Variants in SPATA16 observed in about 807,000 individuals in gnomAD.
SPATA16 encodes spermatogenesis associated 16, also known as spermatogenesis-associated protein 16.
Under a neutral mutation model 63.3 loss-of-function variants are expected in SPATA16, and 36 were observed. That is an observed-to-expected ratio of 0.57 (90% CI 0.44 to 0.75). The LOEUF is 0.75. Ranked by LOEUF, SPATA16 falls within the 30% of genes least tolerant of loss-of-function variation. SPATA16 has a pLI of 0.00. For missense variants in SPATA16, 646 were observed against 679.3 expected, an observed-to-expected ratio of 0.95 and a Z score of 0.54; for synonymous variants, 203 against 216.7, an observed-to-expected ratio of 0.94 and a Z score of 0.56.
intron 5 of SPATA16, among the ~76,000 whole-genome samples, chr3:172,965,290 C>T (rs1191749922): frequency 1.3e-5 from 2 of 152,186 alleles, no homozygotes; most frequent in Non-Finnish European, 2.9e-5. Context: ...TTATGCTATG[C>T]TGACTTGTAA....
chr3:172,916,406 T>A lies in SPATA16; in HGVS notation c.1414A>T (p.Lys472Ter). Residue 472 changes from lysine (K) to a stop codon, truncating the protein, a stop_gained, in exon 9 of 11, where the codon AAG becomes TAG. Coordinates refer to ENST00000351008, the MANE Select transcript of SPATA16 (RefSeq NM_031955.6). LOFTEE classifies it high-confidence loss of function. ...ASLLSQLQRV[K>*]EQSQVINQAM... ...TGATTAATCACCTGGGACTGCTCCT[T>A]TACTCTCTGCAGCTGGCTGAGGAGG... 1 of 1,613,878 alleles carries A rather than the reference T, an allele frequency of 6.2e-7. No homozygotes were observed. The highest frequency in any genetic ancestry group is 8.5e-7 in the Non-Finnish European group (1 of 1,179,828).
At chr3:172,985,000 A>G (rs1199383090) in intron 4 of SPATA16, among the ~76,000 whole-genome samples, 2 of 152,198 alleles carry the variant, frequency 1.3e-5, no homozygotes, top group South Asian at 2.1e-4. Flanking sequence ...GTTAGGATTC[A>G]ACTAGATATA....
intron 2 of SPATA16, among the ~76,000 whole-genome samples, chr3:173,067,267 T>A (rs1736543412): frequency 6.6e-6 from 1 of 152,094 alleles, no homozygotes; most frequent in Non-Finnish European, 1.5e-5. Context: ...GAATACTACA[T>A]AACCATAAAA....
chr3:173,015,805 T>C (rs991670561), intron 4 of SPATA16, among the ~76,000 whole-genome samples: 2 of 152,140 alleles, frequency 1.3e-5, no homozygotes, highest in African/African-American at 4.8e-5. Flanking sequence ...AGTCTTGGCT[T>C]TTCTTTGATT....
At chr3:173,123,786 T>C (rs902833718) in intron 1 of SPATA16, among the ~76,000 whole-genome samples, 5 of 151,990 alleles carry the variant, frequency 3.3e-5, no homozygotes, top group African/African-American at 1.2e-4. Context: ...GTATTTTTAA[T>C]AGATGCGGGA....
At position 173,065,443 on chromosome 3, in the gene SPATA16, G is replaced by A. The variant is rs565445773; in HGVS notation, c.613-16349C>T. On this transcript the variant is annotated intron_variant, in intron 2 of 10. Coordinates refer to ENST00000351008, the MANE Select transcript of SPATA16 (RefSeq NM_031955.6). ...GAATTTAAGGGAGATAGGCGGCAGA[G>A]CAAGATGGCCAAATAGAACACTTTT... is the stretch of plus-strand genomic sequence containing the variant. Among the ~76,000 whole-genome samples the A allele has an allele frequency of 6.6e-5, 10 of 152,256 alleles. No individual in the cohort carries two copies. In the East Asian group the frequency reaches 1.7e-3, roughly 26 times the overall value.
intron 6 of SPATA16, among the ~76,000 whole-genome samples, chr3:172,954,921 C>T (rs1274964873): frequency 6.6e-6 from 1 of 152,182 alleles, no homozygotes; most frequent in Non-Finnish European, 1.5e-5. Flanking sequence ...CCTCCAGAAG[C>T]TGTCTTTTCT....
chr3:173,014,325 A>T (rs1034441216), intron 4 of SPATA16, among the ~76,000 whole-genome samples: 7 of 152,220 alleles, frequency 4.6e-5, no homozygotes, highest in African/African-American at 1.7e-4. Context: ...GTGTAAATTA[A>T]CATAGGAATA....
At chr3:172,921,702 T>C (rs1732618860) in intron 8 of SPATA16, among the ~76,000 whole-genome samples, 1 of 152,102 alleles carries the variant, frequency 6.6e-6, no homozygotes, top group Admixed American at 6.6e-5. Context: ...CCAAAACCAA[T>C]ACAAATAATT....
chr3:173,000,716 G>T (rs1039238829), intron 4 of SPATA16, among the ~76,000 whole-genome samples: 52 of 140,042 alleles, frequency 3.7e-4, no homozygotes, highest in South Asian at 9.1e-4. Context: ...CTGTTCTGTG[G>T]TTTTTTTTTT....
intron 8 of SPATA16, among the ~76,000 whole-genome samples, chr3:172,920,241 T>C (rs965053748): frequency 1.3e-5 from 2 of 152,198 alleles, no homozygotes; most frequent in Non-Finnish European, 2.9e-5. Context: ...TGTCACCAAA[T>C]TGTGAGGGTC....
intron 4 of SPATA16, among the ~76,000 whole-genome samples, chr3:172,984,787 A>G (rs1035883302): frequency 3.3e-5 from 5 of 152,112 alleles, no homozygotes; most frequent in African/African-American, 1.2e-4. Flanking sequence ...AATTTCAAAT[A>G]TTGCCTGTTC....
At chr3:173,038,738 G>C (rs1000303755) in intron 3 of SPATA16, among the ~76,000 whole-genome samples, 1 of 152,142 alleles carries the variant, frequency 6.6e-6, no homozygotes, top group Non-Finnish European at 1.5e-5. Flanking sequence ...AGAAGTTTGT[G>C]AATTCTAGAC....
intron 2 of SPATA16, among the ~76,000 whole-genome samples, chr3:173,071,382 C>T (rs1180747038): frequency 6.6e-6 from 1 of 152,120 alleles, no homozygotes; most frequent in Non-Finnish European, 1.5e-5. Context: ...TGGGGAAATA[C>T]TCCAGGACAT....
At chr3:172,915,252 A>G (rs775467819) in intron 9 of SPATA16, among the ~76,000 whole-genome samples, 1 of 152,106 alleles carries the variant, frequency 6.6e-6, no homozygotes, top group African/African-American at 2.4e-5. Context: ...CATCTTTAGT[A>G]TGCATAGTTT....
intron 4 of SPATA16, among the ~76,000 whole-genome samples, chr3:173,005,522 A>G: frequency 6.6e-6 from 1 of 152,110 alleles, no homozygotes; most frequent in African/African-American, 2.4e-5. Flanking sequence ...CTTTCTTTGT[A>G]CTCTGCCACA....
At chr3:172,920,355 G>A (rs1050591188) in intron 8 of SPATA16, among the ~76,000 whole-genome samples, 1 of 152,176 alleles carries the variant, frequency 6.6e-6, no homozygotes, top group South Asian at 2.1e-4. Context: ...CATGCAGTCA[G>A]CACCTAGTTA....
rs372161742 is a variant in SPATA16, at chr3:173,009,524, A to G, written c.848+9962T>C. On this transcript the variant is annotated intron_variant, in intron 4 of 10. Transcript: ENST00000351008. ...ACCACTCAAGCCCATGTGAAGCCCA[A>G]TGGATCTTGGATCCCAGAGCACCCT... Among the ~76,000 whole-genome samples the G allele has an allele frequency of 9.6e-4, 146 of 152,342 alleles. 1 individual carries two copies. The highest frequency in any genetic ancestry group is 7.7e-3 in the South Asian group (37 of 4,830).
At chr3:173,125,967 G>A (rs1233234511) in intron 1 of SPATA16, among the ~76,000 whole-genome samples, 1 of 152,126 alleles carries the variant, frequency 6.6e-6, no homozygotes, top group Non-Finnish European at 1.5e-5. Flanking sequence ...TGAAAATTAG[G>A]CAATCACCTA....
Sources: allele counts gnomAD v4.1 joint callset (sites outside exome capture counted in the v4.1 genomes callset), GRCh38; gene constraint gnomAD v4.1.1; transcripts MANE v1.5; gene names NCBI Gene and HGNC (gene_info 2026-07-23, HGNC 2026-07-21).